TCF4: variants seen among roughly 807,000 people sequenced by gnomAD.
The protein encoded by TCF4 is transcription factor 4.
A neutral mutation model predicts 82.1 loss-of-function variants in TCF4; 3 were observed. The observed-to-expected ratio is 0.04, with a 90% CI of 0.02 to 0.09. The LOEUF is 0.09. Among genes scored for constraint, TCF4 ranks in the 10% least tolerant of loss-of-function variants. The pLI is 1.00. For synonymous variants in TCF4, 276 were observed against 309.6 expected, an observed-to-expected ratio of 0.89 and a Z score of 1.14; for missense variants, 518 against 852.7, an observed-to-expected ratio of 0.61 and a Z score of 4.89.
intron 3 of TCF4, among the ~76,000 whole-genome samples, chr18:55,570,998 GA>G (rs1351406878): frequency 6.6e-6 from 1 of 151,506 alleles, no homozygotes; most frequent in African/African-American, 2.4e-5. Context: ...AGATCAGTAA[GA>G]ATCTTTAAAA....
chr18:55,292,861 TAC>T (rs1254177288), intron 8 of TCF4, among the ~76,000 whole-genome samples: 1 of 152,144 alleles, frequency 6.6e-6, no homozygotes, highest in Non-Finnish European at 1.5e-5. Flanking sequence ...ACACATTATT[TAC>T]ACACATTATA....
chr18:55,340,611 T>C (rs1198587241), intron 8 of TCF4, among the ~76,000 whole-genome samples: 1 of 150,288 alleles, frequency 6.7e-6, no homozygotes, highest in Non-Finnish European at 1.5e-5. Flanking sequence ...AAAGCAATAT[T>C]ACATAATTTC....
At chr18:55,334,322 T>G (rs892623189) in intron 8 of TCF4, among the ~76,000 whole-genome samples, 24 of 152,284 alleles carry the variant, frequency 1.6e-4, no homozygotes, top group Middle Eastern at 3.4e-3. Context: ...ATAAATAACA[T>G]ATAAGTCTTG....
At chr18:55,354,906 C>T (rs867856978) in intron 6 of TCF4, among the ~76,000 whole-genome samples, 2 of 152,142 alleles carry the variant, frequency 1.3e-5, no homozygotes, top group African/African-American at 2.4e-5. Flanking sequence ...CTCGATTCTG[C>T]GTCACTCCCA....
chr18:55,517,265 G>C (rs1363026232), intron 3 of TCF4, among the ~76,000 whole-genome samples: 1 of 152,106 alleles, frequency 6.6e-6, no homozygotes, highest in African/African-American at 2.4e-5. Flanking sequence ...TTGCTCTTTT[G>C]TGCGGCTGGG....
chr18:55,357,048 T>A (rs747879158), intron 6 of TCF4, among the ~76,000 whole-genome samples: 2 of 152,164 alleles, frequency 1.3e-5, no homozygotes, highest in Non-Finnish European at 2.9e-5. Flanking sequence ...AAGTAAAGAC[T>A]CATGCATTTT....
chr18:55,527,004 G>A (rs2096992007), intron 3 of TCF4, among the ~76,000 whole-genome samples: 1 of 152,076 alleles, frequency 6.6e-6, no homozygotes, highest in Non-Finnish European at 1.5e-5. Flanking sequence ...CAGGGAGTCT[G>A]GACAGATATT....
intron 1 of TCF4, among the ~76,000 whole-genome samples, chr18:55,632,440 T>A (rs1272675280): frequency 6.6e-6 from 1 of 152,182 alleles, no homozygotes; most frequent in South Asian, 2.1e-4. Flanking sequence ...AAGGCAATAT[T>A]CAGGGAGACG....
Position 55,224,164 on chromosome 18 carries a change from C to CTTTTTTTTTTTTTTT in TCF4, c.*3856_*3870dup, listed in dbSNP as rs66807288. 7.1e-6 allele frequency: 1 copy of CTTTTTTTTTTTTTTT among 140,538 alleles called. No individual in the cohort carries two copies. The allele number at this position is 140,538 out of a possible 1,614,324, so 8.7% of individuals were successfully genotyped here. A position where few individuals can be genotyped will look rare whatever the true frequency, so the allele number is the denominator to read the frequency against. ...GGCACTGATACATGGTAAATCTCTGCTTTTTTTTTTTTTTTCTTATCTTCA... is the reference window on the plus strand; with the variant it reads ...GGCACTGATACATGGTAAATCTCTGCTTTTTTTTTTTTTTTTTTTTTTTTTTTTTTCTTATCTTCA... On this transcript the variant is annotated 3_prime_UTR_variant, in exon 20 of 20. Coordinates refer to ENST00000354452, the MANE Select transcript of TCF4 (RefSeq NM_001083962.2).
At chr18:55,287,565 C>G (rs1348778023) in intron 8 of TCF4, among the ~76,000 whole-genome samples, 1 of 152,096 alleles carries the variant, frequency 6.6e-6, no homozygotes, top group Non-Finnish European at 1.5e-5. Context: ...GAGACGGCAC[C>G]AGGAAGCAGC....
At chr18:55,463,840 T>A (rs902531253) in intron 4 of TCF4, among the ~76,000 whole-genome samples, 6 of 152,056 alleles carry the variant, frequency 3.9e-5, no homozygotes, top group Admixed American at 2.0e-4. Flanking sequence ...AATAACAGCA[T>A]CCAATAAGAG....
chr18:55,511,846 G>T (rs549005216), intron 3 of TCF4, among the ~76,000 whole-genome samples: 1 of 152,142 alleles, frequency 6.6e-6, no homozygotes, highest in South Asian at 2.1e-4. Flanking sequence ...CTTGCACTTA[G>T]GCAGACATTC....
At chr18:55,334,910 CA>C (rs1427125547) in intron 8 of TCF4, among the ~76,000 whole-genome samples, 1 of 152,164 alleles carries the variant, frequency 6.6e-6, no homozygotes, top group East Asian at 1.9e-4. Flanking sequence ...TCTTACTTTT[CA>C]AATGTGAGAG....
intron 1 of TCF4, among the ~76,000 whole-genome samples, chr18:55,635,336 C>T (rs1217282910): frequency 6.6e-6 from 1 of 152,052 alleles, no homozygotes; most frequent in African/African-American, 2.4e-5. Context: ...TGGCAAAACC[C>T]TGTCTCTACT....
rs555917104 is a variant in TCF4, at chr18:55,530,595, G to GT, written c.145+54684dup. 1.4e-4 allele frequency among the ~76,000 whole-genome samples: 21 copies of GT among 151,772 alleles called. 1 individual carries two copies. The Middle Eastern group carries it at 0.01, about 74-fold the overall frequency. On this transcript the variant is annotated intron_variant, in intron 3 of 19. Coordinates refer to ENST00000354452, the MANE Select transcript of TCF4 (RefSeq NM_001083962.2). ...GAAACAGCTAAGGGGGAAAAAGAGG[G>GT]TCAGGAGGTGACTGCTTAGAAAGTT...
At chr18:55,487,091 G>A (rs1483291883) in intron 3 of TCF4, among the ~76,000 whole-genome samples, 2 of 152,108 alleles carry the variant, frequency 1.3e-5, no homozygotes, top group Non-Finnish European at 2.9e-5. Flanking sequence ...AGGTGCTCAG[G>A]ATCTGTGTGT....
At chr18:55,330,484 A>T (rs1470550083) in intron 8 of TCF4, among the ~76,000 whole-genome samples, 3 of 151,006 alleles carry the variant, frequency 2.0e-5, no homozygotes, top group Non-Finnish European at 4.4e-5. Context: ...GGCATGTTGG[A>T]TATCTTTAAC....
At chr18:55,591,908 C>T (rs2097685876), upstream of TCF4, among the ~76,000 whole-genome samples, 1 of 152,178 alleles carries the variant, frequency 6.6e-6, no homozygotes, top group Non-Finnish European at 1.5e-5. Context: ...AATTGCTAGT[C>T]TCGTTGCTTC....
At chr18:55,239,569 T>C (rs61656112) in intron 15 of TCF4, among the ~76,000 whole-genome samples, 37,935 of 152,122 alleles carry the variant, frequency 0.25, 4,851 homozygotes, top group East Asian at 0.32. Context: ...TATATATACG[T>C]ACATATATAG....
Sources: gnomAD v4.1 joint callset for allele counts (sites outside exome capture counted in the v4.1 genomes callset) on GRCh38, gnomAD v4.1.1 for gene constraint, MANE v1.5 for transcripts, NCBI Gene and HGNC (gene_info 2026-07-23, HGNC 2026-07-21) for gene names.